CYTH2: variants seen among roughly 807,000 people sequenced by gnomAD.
CYTH2 encodes cytohesin 2, also known as cytohesin-2.
In CYTH2, 24 loss-of-function variants were observed where a neutral mutation model predicts 55.4. The ratio of observed to expected loss-of-function variants is 0.43; its 90% CI spans 0.31 to 0.61. CYTH2 has a LOEUF of 0.61. CYTH2 is among the 20% of genes least tolerant of loss of function. The pLI, the probability that CYTH2 is intolerant of heterozygous loss-of-function variation, is 0.08. For missense variants in CYTH2, 378 were observed against 533.5 expected (o/e 0.71, Z 2.87); for synonymous variants, 221 against 209.6 (o/e 1.05, Z -0.47).
chr19:48,472,607 A>T (rs761810967), intron 4 of CYTH2, 164 bp downstream of exon 4: 6 of 716,384 alleles, frequency 8.4e-6, no homozygotes, highest in South Asian at 7.6e-5. Flanking sequence ...ATGGACTGAC[A>T]TGGGCTAGGG....
In CYTH2 at chr19:48,472,359, A is replaced by G. The variant is rs769094268; in HGVS notation, c.269A>G (p.Gln90Arg). ...IQFLVENELLQNTPEEIARFL... is the reference protein window; with the variant it reads ...IQFLVENELLRNTPEEIARFL... ...TTCTTGGTGGAGAATGAACTGCTGC[A>G]GAACACACCCGAGGAGATCGCCCGC... The change falls in exon 4 of 12, where the codon CAG (glutamine) becomes CGG (arginine). Residue 90 changes from glutamine (Q) to arginine (R), a missense_variant. Coordinates refer to ENST00000452733, the MANE Select transcript of CYTH2 (RefSeq NM_004228.7). 31 of 1,613,966 alleles carry G rather than the reference A, an allele frequency of 1.9e-5. No individual in the cohort carries two copies. The highest frequency in any genetic ancestry group is 2.5e-5 in the Non-Finnish European group (30 of 1,180,018).
intron 8 of CYTH2, chr19:48,476,602 A>G (rs1229283846): frequency 6.6e-6 from 1 of 152,310 alleles, no homozygotes; most frequent in East Asian, 1.9e-4. Flanking sequence ...CAGGCCAGGC[A>G]CGGTGGCTCA....
Position 48,482,032 on chromosome 19 carries a change from T to G in CYTH2, c.*2822T>G, listed in dbSNP as rs1263766811. ...ATTTGGGAATTTGGTTTTCTCTCCCTTGCTTCCTTCAGCACCATGTGATCT... is the reference window on the plus strand; with the variant it reads ...ATTTGGGAATTTGGTTTTCTCTCCCGTGCTTCCTTCAGCACCATGTGATCT... On this transcript the variant is annotated 3_prime_UTR_variant, in exon 12 of 12. Transcript: ENST00000452733. 6.6e-6 allele frequency: 1 copy of G among 152,324 alleles called. No individual in the cohort carries two copies. Among genetic ancestry groups the G allele is most frequent in the Non-Finnish European group, 1.5e-5 (1 of 68,182 alleles). The allele number at this position is 152,324 out of a possible 1,614,324, so 9.4% of individuals were successfully genotyped here. A position where few individuals can be genotyped will look rare whatever the true frequency, so the allele number is the denominator to read the frequency against.
chr19:48,473,404 C>T (rs767729801), intron 5 of CYTH2, 26 bp downstream of exon 5: 80 of 1,610,382 alleles, frequency 5.0e-5, no homozygotes, highest in South Asian at 2.4e-4. Context: ...GGGTTTGGAA[C>T]GCCAGGAATG....
Position 48,478,426 on chromosome 19 carries a change from T to G in CYTH2, c.958-12T>G, listed in dbSNP as rs1190487603. On this transcript the variant is annotated splice_polypyrimidine_tract_variant and intron_variant, in intron 10 of 11. Transcript: ENST00000452733. ...CTGGTTCTTACCTGCGCCCTTCCTC[T>G]CTCGTCCCCAGAACTGCTTTGAACT... 4 of 1,613,408 alleles carry G rather than the reference T, an allele frequency of 2.5e-6. No individual in the cohort carries two copies. Among genetic ancestry groups the G allele is most frequent in the Non-Finnish European group, 3.4e-6 (4 of 1,179,510 alleles).
intron 2 of CYTH2, 35 bp from the exon 3 acceptor site, chr19:48,470,568 C>T (rs200643268): frequency 9.3e-6 from 15 of 1,614,154 alleles, no homozygotes; most frequent in East Asian, 2.2e-5. Context: ...CAGGCATTGA[C>T]CCTCCACCCC....
chr19:48,473,563 C>G (rs960549191), intron 5 of CYTH2, 185 bp downstream of exon 5: 1 of 629,976 alleles, frequency 1.6e-6, no homozygotes, highest in Non-Finnish European at 2.8e-6. Flanking sequence ...ATGGCTATAT[C>G]CAGGAGCTCA....
intron 1 of CYTH2, 195 bp from the exon 2 acceptor site, chr19:48,470,158 C>T (rs763034471): frequency 3.9e-5 from 34 of 882,538 alleles, no homozygotes; most frequent in Non-Finnish European, 5.8e-5. Context: ...TTCCCCTTGT[C>T]CCCCAGGACT....
chr19:48,474,925 C>G lies in CYTH2; in HGVS notation c.784C>G (p.Arg262Gly), dbSNP rs1464208197. The G allele has an allele frequency of 1.2e-6, 2 of 1,614,072 alleles. No homozygotes were observed. Among genetic ancestry groups the G allele is most frequent in the East Asian group, 2.2e-5 (1 of 44,876 alleles). Residue 262 changes from arginine to glycine, a missense_variant, in exon 8 of 12, where the codon CGG (arginine) becomes GGG (glycine). Coordinates refer to ENST00000452733, the MANE Select transcript of CYTH2 (RefSeq NM_004228.7). This position sits in a 1 kb window ranked among gnomAD's most constrained non-coding sequence, Gnocchi z 4.9. ...GACCCACACCTTCTTCAACCCGGAC[C>G]GGGAGGGCTGGCTCCTGAAGCTGGG... ...DLTHTFFNPD[R>G]EGWLLKLGGR...
chr19:48,475,845 AG>A (rs1971901855), intron 8 of CYTH2: 16 of 267,576 alleles, frequency 6.0e-5, no homozygotes, highest in South Asian at 4.6e-4. Flanking sequence ...GCCTGGTAAC[AG>A]TAGGTGCCAC....
chr19:48,473,108 C>T, intron 4 of CYTH2, 190 bp from the exon 5 acceptor site: 3 of 611,528 alleles, frequency 4.9e-6, no homozygotes, highest in South Asian at 1.9e-5. Context: ...AGATATTCCT[C>T]CCAAGAGTGT....
At position 48,474,432 on chromosome 19, in the gene CYTH2, C is replaced by A; in HGVS notation, c.696+102C>A. 1 of 1,294,134 alleles carries A rather than the reference C, an allele frequency of 7.7e-7. No homozygotes were observed. Among genetic ancestry groups the A allele is most frequent in the Non-Finnish European group, 1.0e-6 (1 of 958,034 alleles). The allele number at this position is 1,294,134 out of a possible 1,614,324, so 80.2% of individuals were successfully genotyped here. ...AGTGCCCAAGCTGTCTGCCCTCACC[C>A]CCAAGATGGTGCGATCATGCCAACT... On this transcript the variant is annotated intron_variant, in intron 7 of 11. Coordinates refer to ENST00000452733, the MANE Select transcript of CYTH2 (RefSeq NM_004228.7). The surrounding 1 kb of genome is among the most constrained non-coding windows in gnomAD (Gnocchi z 4.9).
chr19:48,471,562 G>A (rs1012002451), intron 3 of CYTH2, among the ~76,000 whole-genome samples: 1 of 152,178 alleles, frequency 6.6e-6, no homozygotes, highest in African/African-American at 2.4e-5. Context: ...TGTGCTCAGA[G>A]AGCCCTTGGA....
rs1202701202 is a variant in CYTH2 at position 48,470,399 on chromosome 19, C to T, written c.66C>T (p.Ile22=). The change falls in exon 2 of 12, where the codon ATC becomes ATT. Residue 22 remains isoleucine (I), a synonymous_variant. Transcript: ENST00000452733. ...AGGAGCGGATGGAGCTGGAGAACAT[C>T]CGGCGGCGGAAGCAGGAGCTGCTGG... The part of the protein sequence containing the change: ...TPEERMELEN[I]RRRKQELLVE... The T allele has an allele frequency of 1.2e-6, 2 of 1,613,914 alleles. No individual in the cohort carries two copies. Among genetic ancestry groups the T allele is most frequent in the South Asian group, 2.2e-5 (2 of 91,064 alleles).
intron 5 of CYTH2, 86 bp from the exon 6 acceptor site, chr19:48,473,819 G>C: frequency 9.2e-7 from 1 of 1,085,050 alleles, no homozygotes; most frequent in South Asian, 1.6e-5. Flanking sequence ...GGGATTCCTC[G>C]TGGACCAGTT....
Position 48,481,452 on chromosome 19 carries a change from A to G in CYTH2, c.*2242A>G. 1 of 158,456 alleles carries G rather than the reference A, an allele frequency of 6.3e-6. No homozygotes were observed. The highest frequency in any genetic ancestry group is 1.2e-4 in the South Asian group (1 of 8,036). The allele number at this position is 158,456 out of a possible 1,614,324, so 9.8% of individuals were successfully genotyped here. ...GCGTCCGGCTCCCTCCTCGCCCAGG[A>G]CCCCCAAGCTCCCAGCACGCTTCTG... On this transcript the variant is annotated 3_prime_UTR_variant, in exon 12 of 12. Coordinates refer to ENST00000452733, the MANE Select transcript of CYTH2 (RefSeq NM_004228.7).
At chr19:48,471,732 T>C (rs774542972) in intron 3 of CYTH2, among the ~76,000 whole-genome samples, 10 of 152,190 alleles carry the variant, frequency 6.6e-5, no homozygotes, top group Non-Finnish European at 1.3e-4. Flanking sequence ...CCTGAAGCAA[T>C]TGGAATTCTG....
At position 48,479,171 on chromosome 19, in the gene CYTH2, G is replaced by A. The variant is rs3180457; in HGVS notation, c.1161G>A (p.Lys387=). 1.9e-6 allele frequency: 3 copies of A among 1,614,102 alleles called. No individual in the cohort carries two copies. Among genetic ancestry groups the A allele is most frequent in the Non-Finnish European group, 2.5e-6 (3 of 1,179,992 alleles). ...TCTATGAGATGCTGGCAGCGAGAAA[G>A]AAGCGGATTTCAGTCAAGAAGAAGC... is the stretch of plus-strand genomic sequence containing the variant. ...DPFYEMLAAR[K]KRISVKKKQE... is the part of the protein sequence containing the mutation. The change falls in exon 12 of 12, where the codon AAG becomes AAA. Residue 387 remains lysine (K), a synonymous_variant. Coordinates refer to ENST00000452733, the MANE Select transcript of CYTH2 (RefSeq NM_004228.7).
chr19:48,477,902 C>G (rs1347377302), intron 8 of CYTH2, 167 bp from the exon 9 acceptor site: 1 of 585,958 alleles, frequency 1.7e-6, no homozygotes. Context: ...TCCTGGAGCC[C>G]CAACATGCCT....
Sources: gnomAD v4.1 joint callset for allele counts (sites outside exome capture counted in the v4.1 genomes callset) on GRCh38, gnomAD v4.1.1 for gene constraint, Gnocchi (gnomAD v3.1) non-coding constraint, MANE v1.5 for transcripts, NCBI Gene and HGNC (gene_info 2026-07-23, HGNC 2026-07-21) for gene names.